FYN: variants seen among roughly 807,000 people sequenced by gnomAD.
FYN encodes the protein FYN proto-oncogene, Src family tyrosine kinase.
FYN carries 10 observed loss-of-function variants against 70.2 expected under a neutral mutation model. The observed-to-expected ratio is 0.14, with a 90% confidence interval of 0.09 to 0.24. The LOEUF (loss-of-function observed/expected upper bound fraction) is 0.24. FYN is among the 10% of genes least tolerant of loss of function. The pLI is 1.00. For missense variants in FYN, 319 were observed against 673.1 expected (o/e 0.47, Z 5.82); for synonymous variants, 236 against 248.6 (o/e 0.95, Z 0.48).
chr6:111,839,561 C>G (rs966496380), intron 2 of FYN, among the ~76,000 whole-genome samples: 8 of 152,110 alleles, frequency 5.3e-5, no homozygotes, highest in Admixed American at 2.0e-4. Context: ...TTACTCTACA[C>G]TGGTCAAACC....
In FYN at chr6:111,842,501, C is replaced by T. The variant is rs541392681; in HGVS notation, c.-82+4088G>A. 6.6e-5 allele frequency among the ~76,000 whole-genome samples: 10 copies of T among 152,296 alleles called. No homozygotes were observed. The East Asian group carries it at 7.7e-4, about 12-fold the overall frequency. On this transcript the variant is annotated intron_variant, in intron 2 of 13. Coordinates refer to ENST00000354650, the MANE Select transcript of FYN (RefSeq NM_002037.5). ...TAAGCAACCAGTACACGCATTTGCG[C>T]GGTACACCCCAAAGCCAATGTCCCC...
intron 2 of FYN, among the ~76,000 whole-genome samples, chr6:111,802,922 T>C (rs1337376134): frequency 1.3e-5 from 2 of 152,242 alleles, no homozygotes; most frequent in Non-Finnish European, 2.9e-5. Flanking sequence ...GAAAAAGTCC[T>C]AGATTTCTCA....
At chr6:111,688,423 GGAGAGCATGTCTCACAA>G (rs1456787969) in intron 12 of FYN, among the ~76,000 whole-genome samples, 1 of 152,212 alleles carries the variant, frequency 6.6e-6, no homozygotes, top group Non-Finnish European at 1.5e-5. Context: ...AGAGACAGCA[GGAGAGCATGTCTCACAA>G]GAGTGTGGGG....
intron 12 of FYN, among the ~76,000 whole-genome samples, chr6:111,679,807 C>A (rs948433390): frequency 6.6e-6 from 1 of 152,072 alleles, no homozygotes; most frequent in Non-Finnish European, 1.5e-5. Flanking sequence ...CCCTTTGGGT[C>A]GGAGTGAATG....
intron 2 of FYN, among the ~76,000 whole-genome samples, chr6:111,844,600 G>A (rs1160109644): frequency 6.6e-6 from 1 of 152,196 alleles, no homozygotes; most frequent in Non-Finnish European, 1.5e-5. Flanking sequence ...TGCAGGCAGA[G>A]CCTTTCAGAG....
At chr6:111,738,885 T>C (rs773306300) in intron 3 of FYN, among the ~76,000 whole-genome samples, 1 of 152,174 alleles carries the variant, frequency 6.6e-6, no homozygotes, top group African/African-American at 2.4e-5. Flanking sequence ...TTCTTCTTGG[T>C]GGGGCGGGGA....
rs144927283 is a variant in FYN at position 111,721,550 on chromosome 6, C to T, written c.-11-1488G>A. On this transcript the variant is annotated intron_variant, in intron 3 of 13. Coordinates refer to ENST00000354650, the MANE Select transcript of FYN (RefSeq NM_002037.5). ...TCACAAGTAGCTGGGATTACAGGTG[C>T]CTGCCACCACACCCAGCTAATTTTT... Among the ~76,000 whole-genome samples the T allele has an allele frequency of 3.3e-3, 508 of 152,174 alleles. 12 individuals are homozygous for T. In the East Asian group the frequency reaches 0.07, roughly 21 times the overall value.
intron 3 of FYN, among the ~76,000 whole-genome samples, chr6:111,729,872 T>C (rs1801367456): frequency 6.6e-6 from 1 of 152,252 alleles, no homozygotes; most frequent in South Asian, 2.1e-4. Flanking sequence ...CTGTGTCTTT[T>C]TTCTCAGATT....
chr6:111,672,959 G>GAA (rs1355083744), intron 13 of FYN, among the ~76,000 whole-genome samples: 3 of 152,070 alleles, frequency 2.0e-5, no homozygotes, highest in Non-Finnish European at 4.4e-5. Flanking sequence ...TTCTGTGTGA[G>GAA]ACCCTGAGAA....
At chr6:111,783,094 C>G (rs1221499367) in intron 2 of FYN, among the ~76,000 whole-genome samples, 2 of 152,176 alleles carry the variant, frequency 1.3e-5, no homozygotes, top group African/African-American at 2.4e-5. Context: ...ATCTTATCAG[C>G]CTTTTTCCTG....
At chr6:111,731,937 G>A (rs1193352941) in intron 3 of FYN, among the ~76,000 whole-genome samples, 1 of 152,174 alleles carries the variant, frequency 6.6e-6, no homozygotes, top group Non-Finnish European at 1.5e-5. Flanking sequence ...TGAGTGCCAA[G>A]AGAGACACAG....
At chr6:111,722,026 AC>A (rs1800974531) in intron 3 of FYN, among the ~76,000 whole-genome samples, 1 of 152,140 alleles carries the variant, frequency 6.6e-6, no homozygotes, top group African/African-American at 2.4e-5. Context: ...GCTTTTCTAT[AC>A]TATCTTGCAA....
intron 9 of FYN, among the ~76,000 whole-genome samples, chr6:111,699,066 A>T (rs1799709082): frequency 6.6e-6 from 1 of 152,228 alleles, no homozygotes; most frequent in Non-Finnish European, 1.5e-5. Context: ...CTAGTGATAG[A>T]GCAAGACTCC....
Position 111,662,071 on chromosome 6 carries a change from C to A in FYN, c.1406-124G>T, listed in dbSNP as rs920184054. Reference sequence around the variant, plus strand: ...GCTAAAACATGCGGAGTACTCCCATCCCCCCAGGAGTCAAACCCTGCCATG... The same window carrying A: ...GCTAAAACATGCGGAGTACTCCCATACCCCCAGGAGTCAAACCCTGCCATG... On this transcript the variant is annotated intron_variant, in intron 13 of 13. Coordinates refer to ENST00000354650, the MANE Select transcript of FYN (RefSeq NM_002037.5). 12 of 734,672 alleles carry A rather than the reference C, an allele frequency of 1.6e-5. No individual in the cohort carries two copies. In the African/African-American group the frequency reaches 2.1e-4, roughly 13 times the overall value. 45.5% of individuals were successfully genotyped at this position (734,672 alleles called of 1,614,324 possible).
At chr6:111,750,480 T>A (rs1349804243) in intron 3 of FYN, among the ~76,000 whole-genome samples, 1 of 152,192 alleles carries the variant, frequency 6.6e-6, no homozygotes, top group Non-Finnish European at 1.5e-5. Flanking sequence ...CACGAGCCAA[T>A]TATACCTCTT....
At chr6:111,705,870 A>G (rs1395305111) in intron 6 of FYN, among the ~76,000 whole-genome samples, 2 of 152,080 alleles carry the variant, frequency 1.3e-5, no homozygotes, top group Admixed American at 1.3e-4. Flanking sequence ...CATGGTCTCA[A>G]ACTCCTGGGC....
intron 3 of FYN, among the ~76,000 whole-genome samples, chr6:111,772,418 G>A (rs145056596): frequency 6.6e-6 from 1 of 152,304 alleles, no homozygotes; most frequent in African/African-American, 2.4e-5. Flanking sequence ...GGCTGGAGCA[G>A]GATGTTCACA....
chr6:111,856,272 T>C (rs1299977757), intron 1 of FYN, among the ~76,000 whole-genome samples: 1 of 152,200 alleles, frequency 6.6e-6, no homozygotes, highest in African/African-American at 2.4e-5. Flanking sequence ...ACTTTGCATC[T>C]AAGAGCTATT....
chr6:111,843,864 G>A (rs1428185874), intron 2 of FYN, among the ~76,000 whole-genome samples: 2 of 152,128 alleles, frequency 1.3e-5, no homozygotes, highest in East Asian at 1.9e-4. Flanking sequence ...CGTGGCGATA[G>A]GGCAACCCCA....
Sources: gnomAD v4.1 joint callset for allele counts (sites outside exome capture counted in the v4.1 genomes callset) on GRCh38, gnomAD v4.1.1 for gene constraint, MANE v1.5 for transcripts, NCBI Gene and HGNC (gene_info 2026-07-23, HGNC 2026-07-21) for gene names.